The following EXOC6 variants were observed in gnomAD, a reference collection of about 807,000 sequenced individuals.
EXOC6 encodes SEC15-like 1.
Under a neutral mutation model 112.5 loss-of-function variants are expected in EXOC6, and 60 were observed. The ratio of observed to expected loss-of-function variants is 0.53; its 90% CI spans 0.43 to 0.66. The LOEUF (loss-of-function observed/expected upper bound fraction) is 0.66. Among genes scored for constraint, EXOC6 ranks in the 30% least tolerant of loss-of-function variants. The probability of loss-of-function intolerance (pLI) is 0.00; values close to 1 mark genes in which losing one functional copy is unlikely to be tolerated. For missense variants in EXOC6, 855 were observed against 957.1 expected (o/e 0.89, Z 1.41); for synonymous variants, 295 against 308.0 (o/e 0.96, Z 0.44).
chr10:93,038,065 A>AAAAT (rs1316311788), intron 20 of EXOC6, among the ~76,000 whole-genome samples: 2,624 of 126,074 alleles, frequency 0.021, 208 homozygotes, highest in Non-Finnish European at 0.031. Context: ...AAAAAAAAAA[A>AAAAT]ATTTTTCTCT....
chr10:92,975,400 C>T (rs1842487851), intron 18 of EXOC6, among the ~76,000 whole-genome samples: 2 of 151,520 alleles, frequency 1.3e-5, no homozygotes, highest in South Asian at 4.2e-4. Context: ...TGAGGAGCCC[C>T]TCCGCCCGGC....
At chr10:92,998,739 G>GTTT (rs1420286520) in intron 19 of EXOC6, among the ~76,000 whole-genome samples, 1 of 150,638 alleles carries the variant, frequency 6.6e-6, no homozygotes, top group Non-Finnish European at 1.5e-5. Context: ...AAGAAAAATG[G>GTTT]TTTTTTTCCT....
intron 8 of EXOC6, among the ~76,000 whole-genome samples, chr10:92,926,536 AAAAG>A (rs1851733853): frequency 6.6e-6 from 1 of 151,754 alleles, no homozygotes; most frequent in Non-Finnish European, 1.5e-5. Flanking sequence ...AATAAAAAAA[AAAAG>A]AAAGAAAAAA....
intron 18 of EXOC6, among the ~76,000 whole-genome samples, chr10:92,985,979 A>G (rs1409384): frequency 0.012 from 1,778 of 150,048 alleles, 112 homozygotes; most frequent in Admixed American, 0.1. Flanking sequence ...CATATATTGT[A>G]TATATATATA....
chr10:92,996,079 T>G (rs1843469724), intron 18 of EXOC6, among the ~76,000 whole-genome samples: 1 of 152,232 alleles, frequency 6.6e-6, no homozygotes, highest in African/African-American at 2.4e-5. Context: ...ATTTTGTAGC[T>G]TTCTGGCCTT....
chr10:92,962,928 C>T (rs1017748196), intron 17 of EXOC6, among the ~76,000 whole-genome samples: 5 of 152,150 alleles, frequency 3.3e-5, no homozygotes, highest in Admixed American at 6.6e-5. Flanking sequence ...ATCCTGCCTA[C>T]GGTAAATACC....
At chr10:92,873,772 C>T (rs1848560673) in intron 1 of EXOC6, among the ~76,000 whole-genome samples, 1 of 151,926 alleles carries the variant, frequency 6.6e-6, no homozygotes, top group Non-Finnish European at 1.5e-5. Context: ...GATTCTGGGC[C>T]AGGCACGGTG....
chr10:92,916,666 G>A (rs1207855232), intron 7 of EXOC6, among the ~76,000 whole-genome samples: 3 of 152,158 alleles, frequency 2.0e-5, no homozygotes, highest in South Asian at 2.1e-4. Context: ...CTGTCTCCCC[G>A]GTAAAACCCT....
Position 93,042,314 on chromosome 10 carries a change from C to T in EXOC6, c.2170-14610C>T, listed in dbSNP as rs146452817. Among the ~76,000 whole-genome samples the T allele has an allele frequency of 5.7e-3, 875 of 152,314 alleles. 7 individuals are homozygous for T. Among genetic ancestry groups the T allele is most frequent in the African/African-American group, 0.02 (816 of 41,562 alleles). The stretch of plus-strand genomic sequence containing the variant: ...GCTGCTTAGGTCTACTTCCCACCCC[C>T]TAAGCAATAATTGATGCTCTGATAA... On this transcript the variant is annotated intron_variant, in intron 20 of 21. Transcript: ENST00000260762.
At chr10:92,877,535 A>G (rs1848734442) in intron 1 of EXOC6, among the ~76,000 whole-genome samples, 1 of 152,190 alleles carries the variant, frequency 6.6e-6, no homozygotes. Flanking sequence ...GCACTAATAC[A>G]GATGGAAAAA....
upstream of EXOC6, among the ~76,000 whole-genome samples, chr10:92,829,758 G>C (rs1261348890): frequency 1.3e-5 from 2 of 152,154 alleles, no homozygotes; most frequent in Non-Finnish European, 2.9e-5. Flanking sequence ...CAAGATACAG[G>C]TCACAAAGAC....
At chr10:93,050,629 G>A (rs1293537008) in intron 20 of EXOC6, among the ~76,000 whole-genome samples, 7 of 151,766 alleles carry the variant, frequency 4.6e-5, no homozygotes, top group African/African-American at 1.2e-4. Context: ...GCATGGTGGC[G>A]TGTGCCTGTA....
intron 1 of EXOC6, among the ~76,000 whole-genome samples, chr10:92,866,613 G>A (rs922690371): frequency 2.6e-5 from 4 of 151,706 alleles, no homozygotes; most frequent in Admixed American, 6.6e-5. Flanking sequence ...TTATTTGAGC[G>A]CGAGTTTACC....
At chr10:92,908,522 CT>C (rs1304486550) in intron 5 of EXOC6, among the ~76,000 whole-genome samples, 1 of 152,104 alleles carries the variant, frequency 6.6e-6, no homozygotes, top group Admixed American at 6.6e-5. Context: ...GTTCCTCTAC[CT>C]AACTCTCAAA....
intron 2 of EXOC6, among the ~76,000 whole-genome samples, chr10:92,894,078 T>C (rs1849635007): frequency 6.6e-6 from 1 of 152,168 alleles, no homozygotes; most frequent in Non-Finnish European, 1.5e-5. Context: ...TATCTTTCTT[T>C]ACGTTTAGAG....
chr10:93,048,121 G>C (rs1846091396), intron 20 of EXOC6, among the ~76,000 whole-genome samples: 1 of 152,150 alleles, frequency 6.6e-6, no homozygotes, highest in Admixed American at 6.5e-5. Flanking sequence ...GTGTGTTTCT[G>C]TGTGTGCATG....
At chr10:92,990,902 A>G (rs1843206003) in intron 18 of EXOC6, among the ~76,000 whole-genome samples, 1 of 152,230 alleles carries the variant, frequency 6.6e-6, no homozygotes, top group Middle Eastern at 3.4e-3. Context: ...TTCTGCTTGT[A>G]CTAGACTCTG....
chr10:93,022,146 AT>A (rs1844821674), intron 20 of EXOC6, among the ~76,000 whole-genome samples: 2 of 152,226 alleles, frequency 1.3e-5, no homozygotes, highest in South Asian at 4.1e-4. Flanking sequence ...ATAAATATTA[AT>A]AAACATCTCA....
At chr10:92,969,179 G>A (rs1842186889) in intron 17 of EXOC6, among the ~76,000 whole-genome samples, 1 of 152,116 alleles carries the variant, frequency 6.6e-6, no homozygotes. Context: ...ACACATGCTT[G>A]GAGCCCTGTG....
Sources: gnomAD v4.1 joint callset for allele counts (sites outside exome capture counted in the v4.1 genomes callset) on GRCh38, gnomAD v4.1.1 for gene constraint, MANE v1.5 for transcripts, NCBI Gene and HGNC (gene_info 2026-07-23, HGNC 2026-07-21) for gene names.